SYNE2: variants seen among roughly 807,000 people sequenced by gnomAD.
The protein encoded by SYNE2 is spectrin repeat containing nuclear envelope protein 2.
In SYNE2, 431 loss-of-function variants were observed where a neutral mutation model predicts 856.3. The observed-to-expected ratio is 0.50, with a 90% CI of 0.47 to 0.55. SYNE2 has a LOEUF of 0.55. SYNE2 is among the 20% of genes least tolerant of loss of function. The pLI, the probability that SYNE2 is intolerant of heterozygous loss-of-function variation, is 0.00. For synonymous variants in SYNE2, 2,923 were observed against 2,872.3 expected (o/e 1.02, Z -0.56); for missense variants, 8,129 against 8,023.2 (o/e 1.01, Z -0.50).
At position 63,940,603 on chromosome 14, in the gene SYNE2, T is replaced by C. The variant is rs1347408215; in HGVS notation, c.80-11T>C. ...CTGGTTTTATAACTGCTGTTGTTCTTTCTTTGATAGCTGAACAGGAAGACA... is the reference window on the plus strand; with the variant it reads ...CTGGTTTTATAACTGCTGTTGTTCTCTCTTTGATAGCTGAACAGGAAGACA... On this transcript the variant is annotated splice_polypyrimidine_tract_variant and intron_variant, in intron 2 of 115. Transcript: ENST00000555002. The C allele has an allele frequency of 6.2e-7, 1 of 1,614,036 alleles. No individual in the cohort carries two copies. Among genetic ancestry groups the C allele is most frequent in the African/African-American group, 1.3e-5 (1 of 75,030 alleles).
At chr14:63,863,792 A>G (rs1218718901) in intron 1 of SYNE2, among the ~76,000 whole-genome samples, 1 of 152,170 alleles carries the variant, frequency 6.6e-6, no homozygotes, top group African/African-American at 2.4e-5. Context: ...TGTTTATTAA[A>G]GAGTTAAAGA....
intron 84 of SYNE2, among the ~76,000 whole-genome samples, chr14:64,149,516 G>A (rs1252542264): frequency 2.0e-5 from 3 of 152,114 alleles, no homozygotes; most frequent in Non-Finnish European, 4.4e-5. Context: ...CTGGAAAAAG[G>A]CCACGTTTGA....
intron 26 of SYNE2, among the ~76,000 whole-genome samples, chr14:63,998,561 A>C (rs2096730492): frequency 6.6e-6 from 1 of 151,432 alleles, no homozygotes; most frequent in South Asian, 2.1e-4. Context: ...TCTTTGTGTT[A>C]TTTTATTTTT....
rs2098640548 is a variant in SYNE2, at chr14:64,211,449, A to G, written c.18724-512A>G. On this transcript the variant is annotated intron_variant, in intron 103 of 115. Coordinates refer to ENST00000555002, the MANE Select transcript of SYNE2 (RefSeq NM_182914.3). Reference sequence around the variant, plus strand: ...GAGTCTTCTTTCTCTGGGAAGACACATTCAGAATTCTATCAGTGAAGGCAG... The same window carrying G: ...GAGTCTTCTTTCTCTGGGAAGACACGTTCAGAATTCTATCAGTGAAGGCAG... 2.0e-5 allele frequency among the ~76,000 whole-genome samples: 3 copies of G among 152,216 alleles called. No homozygotes were observed. The South Asian group carries it at 6.2e-4, about 32-fold the overall frequency.
Position 64,142,092 on chromosome 14 carries a change from AT to A in SYNE2, c.15306+6del. 6.2e-7 allele frequency: 1 copy of A among 1,614,130 alleles called. No homozygotes were observed. Among genetic ancestry groups the A allele is most frequent in the Non-Finnish European group, 8.5e-7 (1 of 1,179,978 alleles). ...ACATCTTCTTCAGAAGCACAAGGTA[AT>A]TATGCAAAAGGAGCAGAAGTCTTTT... is the stretch of plus-strand genomic sequence containing the variant. On this transcript the variant is annotated splice_donor_5th_base_variant and intron_variant, in intron 82 of 115. Transcript: ENST00000555002.
At chr14:64,137,099 A>C (rs148306260) in intron 78 of SYNE2, among the ~76,000 whole-genome samples, 22 of 152,386 alleles carry the variant, frequency 1.4e-4, no homozygotes, top group African/African-American at 5.0e-4. Flanking sequence ...AAGGTCACAC[A>C]AAACCTATCT....
intron 45 of SYNE2, among the ~76,000 whole-genome samples, chr14:64,045,096 G>A (rs1175681634): frequency 6.6e-6 from 1 of 152,116 alleles, no homozygotes; most frequent in Non-Finnish European, 1.5e-5. Context: ...TGGAGTCTGT[G>A]TTCTAACCTC....
intron 84 of SYNE2, among the ~76,000 whole-genome samples, chr14:64,147,330 C>G (rs2098196541): frequency 6.6e-6 from 1 of 152,190 alleles, no homozygotes. Context: ...GATTCATTCT[C>G]CACATTGCTG....
At chr14:64,112,311 A>T (rs1418277664) in intron 65 of SYNE2, among the ~76,000 whole-genome samples, 2 of 152,254 alleles carry the variant, frequency 1.3e-5, no homozygotes, top group African/African-American at 4.8e-5. Flanking sequence ...ACAAACTCTT[A>T]TAGAAAACAT....
intron 32 of SYNE2, among the ~76,000 whole-genome samples, chr14:64,014,244 T>C (rs563376178): frequency 3.9e-5 from 6 of 152,358 alleles, no homozygotes; most frequent in Admixed American, 3.9e-4. Flanking sequence ...ATGGTATAAA[T>C]GTGTCACAGT....
intron 21 of SYNE2, among the ~76,000 whole-genome samples, chr14:63,992,717 C>CA (rs1252675081): frequency 6.6e-6 from 1 of 152,186 alleles, no homozygotes; most frequent in Non-Finnish European, 1.5e-5. Flanking sequence ...ACAACAGAAG[C>CA]AAGATCCCTG....
At chr14:63,814,761 T>C (rs1249804882) in intron 1 of SYNE2, among the ~76,000 whole-genome samples, 45 of 119,726 alleles carry the variant, frequency 3.8e-4, no homozygotes, top group Non-Finnish European at 5.0e-4. Flanking sequence ...TATCCATATA[T>C]ATATCCATAT....
At chr14:64,209,368 A>T in intron 101 of SYNE2, 60 bp from the exon 102 acceptor site, 1 of 1,613,862 alleles carries the variant, frequency 6.2e-7, no homozygotes, top group Non-Finnish European at 8.5e-7. Flanking sequence ...GGGATAAAAG[A>T]AGTGCAAAAG....
chr14:63,786,475 T>C (rs1887531761), intron 1 of SYNE2, among the ~76,000 whole-genome samples: 1 of 152,208 alleles, frequency 6.6e-6, no homozygotes, highest in African/African-American at 2.4e-5. Context: ...TCTTCAGACA[T>C]AACTACTTTC....
chr14:63,931,403 A>T (rs2095752701), intron 2 of SYNE2, among the ~76,000 whole-genome samples: 1 of 152,030 alleles, frequency 6.6e-6, no homozygotes. Flanking sequence ...TACAAAAATT[A>T]GCCGGGCGTG....
chr14:64,065,678 G>A (rs2097353521), intron 51 of SYNE2, 28 bp downstream of exon 51: 1 of 1,611,424 alleles, frequency 6.2e-7, no homozygotes, highest in Non-Finnish European at 8.5e-7. Flanking sequence ...AACAAACCAT[G>A]TAGTTTCTAA....
chr14:63,995,735 A>ATCTATCTATCTG (rs2096708639), intron 23 of SYNE2, among the ~76,000 whole-genome samples: 1 of 52,216 alleles, frequency 1.9e-5, no homozygotes, highest in African/African-American at 1.3e-4. Flanking sequence ...CTATCCATCT[A>ATCTATCTATCTG]TCTATCTATC....
intron 84 of SYNE2, among the ~76,000 whole-genome samples, chr14:64,151,080 C>G (rs2098237532): frequency 1.3e-5 from 2 of 152,118 alleles, no homozygotes; most frequent in African/African-American, 4.8e-5. Flanking sequence ...TGGAAGATTC[C>G]TCCAGCTCCA....
Position 64,078,447 on chromosome 14 carries a change from G to A in SYNE2, c.11023-19G>A, listed in dbSNP as rs1207445310. ...CAGACAACCTCTCTAAGCCAAATGC[G>A]TCTTTGTCTCTTTCACAGATTAGCA... On this transcript the variant is annotated intron_variant, in intron 54 of 115. Transcript: ENST00000555002. The A allele has an allele frequency of 1.2e-5, 20 of 1,613,034 alleles. No homozygotes were observed. The highest frequency in any genetic ancestry group is 8.9e-5 in the East Asian group (4 of 44,836).
Sources: gnomAD v4.1 joint callset for allele counts (sites outside exome capture counted in the v4.1 genomes callset) on GRCh38, gnomAD v4.1.1 for gene constraint, MANE v1.5 for transcripts, NCBI Gene and HGNC (gene_info 2026-07-23, HGNC 2026-07-21) for gene names.